The following SH3PXD2B variants were observed in gnomAD, a reference collection of about 807,000 sequenced individuals.
The protein encoded by SH3PXD2B is SH3 and PX domain-containing protein 2B.
SH3PXD2B carries 37 observed loss-of-function variants against 73.1 expected under a neutral mutation model. The ratio of observed to expected loss-of-function variants is 0.51; its 90% CI spans 0.39 to 0.67. The LOEUF (loss-of-function observed/expected upper bound fraction) is 0.67, where lower values mean the gene tolerates loss of function less well. SH3PXD2B is among the 30% of genes least tolerant of loss of function. SH3PXD2B has a pLI of 0.00. For synonymous variants in SH3PXD2B, 457 were observed against 480.5 expected (o/e 0.95, Z 0.64); for missense variants, 1,053 against 1,197.8 (o/e 0.88, Z 1.78).
At chr5:172,444,801 C>G (rs966187180) in intron 1 of SH3PXD2B, among the ~76,000 whole-genome samples, 2 of 152,138 alleles carry the variant, frequency 1.3e-5, no homozygotes, top group African/African-American at 4.8e-5. Flanking sequence ...TGAGCACCAG[C>G]TCCTCCCGCT....
At chr5:172,430,898 G>A (rs1030286158) in intron 1 of SH3PXD2B, among the ~76,000 whole-genome samples, 5 of 151,208 alleles carry the variant, frequency 3.3e-5, no homozygotes, top group Non-Finnish European at 5.9e-5. Context: ...ATGGAGTCTC[G>A]TTCTGTCACT....
Position 172,334,272 on chromosome 5 carries a change from A to G in SH3PXD2B, c.*4097T>C. 9.8e-7 allele frequency: 1 copy of G among 1,018,078 alleles called. No homozygotes were observed. The highest frequency in any genetic ancestry group is 1.7e-5 in the African/African-American group (1 of 57,530). 63.1% of individuals were successfully genotyped at this position (1,018,078 alleles called of 1,614,324 possible). On this transcript the variant is annotated 3_prime_UTR_variant, in exon 13 of 13. Transcript: ENST00000311601. ...CTCTGAAGGAGGTCCATGAGCAGGC[A>G]AGGACTGTGGAGCCTCCGGTTCCAG...
intron 1 of SH3PXD2B, among the ~76,000 whole-genome samples, chr5:172,453,183 C>A (rs1258405962): frequency 6.6e-6 from 1 of 152,054 alleles, no homozygotes; most frequent in African/African-American, 2.4e-5. Flanking sequence ...AGCCAGCCAA[C>A]GCCCTTTTCT....
chr5:172,441,224 A>G (rs1417197123), intron 1 of SH3PXD2B, among the ~76,000 whole-genome samples: 2 of 152,192 alleles, frequency 1.3e-5, no homozygotes, highest in East Asian at 1.9e-4. Flanking sequence ...TTAGAGACGA[A>G]GAAGATACCG....
intron 4 of SH3PXD2B, among the ~76,000 whole-genome samples, chr5:172,392,871 T>C (rs1228024136): frequency 6.6e-6 from 1 of 152,252 alleles, no homozygotes; most frequent in Non-Finnish European, 1.5e-5. Flanking sequence ...TATCAGCTGA[T>C]CAAACATTTT....
At chr5:172,378,546 G>A (rs1757870053) in intron 5 of SH3PXD2B, among the ~76,000 whole-genome samples, 1 of 152,190 alleles carries the variant, frequency 6.6e-6, no homozygotes, top group African/African-American at 2.4e-5. Context: ...ATTGAATCCA[G>A]GGGCCCAAGG....
At chr5:172,390,813 T>TGTGTGTGTG (rs1758167351) in intron 4 of SH3PXD2B, among the ~76,000 whole-genome samples, 1 of 116,764 alleles carries the variant, frequency 8.6e-6, no homozygotes, top group African/African-American at 3.6e-5. Flanking sequence ...GCTTCCCGTC[T>TGTGTGTGTG]TTTGTGTGTG....
chr5:172,342,525 C>T (rs912303108), intron 12 of SH3PXD2B, among the ~76,000 whole-genome samples: 1 of 152,172 alleles, frequency 6.6e-6, no homozygotes, highest in Non-Finnish European at 1.5e-5. Context: ...CTTTGGGAGG[C>T]CAAGGCGGGC....
intron 1 of SH3PXD2B, among the ~76,000 whole-genome samples, chr5:172,438,406 T>C (rs576790085): frequency 6.6e-6 from 1 of 152,264 alleles, no homozygotes; most frequent in Non-Finnish European, 1.5e-5. Context: ...CTATTCACCA[T>C]GGTCCCCCCA....
At chr5:172,405,725 G>A (rs1202464605) in intron 3 of SH3PXD2B, among the ~76,000 whole-genome samples, 1 of 152,112 alleles carries the variant, frequency 6.6e-6, no homozygotes. Context: ...AACCCTGCCT[G>A]GATTTTTGGC....
chr5:172,375,447 C>T (rs1270675298), intron 5 of SH3PXD2B, among the ~76,000 whole-genome samples: 1 of 152,150 alleles, frequency 6.6e-6, no homozygotes, highest in Non-Finnish European at 1.5e-5. Flanking sequence ...GTTGTCCAAC[C>T]ATCACCAGAC....
intron 1 of SH3PXD2B, among the ~76,000 whole-genome samples, chr5:172,440,320 C>T (rs1759528159): frequency 6.6e-6 from 1 of 152,208 alleles, no homozygotes; most frequent in African/African-American, 2.4e-5. Flanking sequence ...GGGTTTCTGC[C>T]ACTCCACCCT....
At chr5:172,393,492 G>C (rs536990544) in intron 4 of SH3PXD2B, among the ~76,000 whole-genome samples, 1 of 152,178 alleles carries the variant, frequency 6.6e-6, no homozygotes, top group East Asian at 1.9e-4. Flanking sequence ...CGTGTCATCT[G>C]TGAGTCAAGA....
chr5:172,447,524 G>A (rs778199461), intron 1 of SH3PXD2B, among the ~76,000 whole-genome samples: 1 of 152,122 alleles, frequency 6.6e-6, no homozygotes, highest in South Asian at 2.1e-4. Context: ...TCAATTACAT[G>A]CTAGGCCCCT....
At position 172,334,433 on chromosome 5, in the gene SH3PXD2B, C is replaced by T. The variant is rs74364058; in HGVS notation, c.*3936G>A. The T allele has an allele frequency of 0.057, 56,268 of 987,876 alleles. 1,794 individuals are homozygous for T. The highest frequency in any genetic ancestry group is 0.067 in the Middle Eastern group (129 of 1,926). The allele number at this position is 987,876 out of a possible 1,614,324, so 61.2% of individuals were successfully genotyped here. A position where few individuals can be genotyped will look rare whatever the true frequency, so the allele number is the denominator to read the frequency against. The stretch of plus-strand genomic sequence containing the variant: ...CCTCTCATCAGCCCACAGTCTGACA[C>T]GAGGTCATCTTTGGTCTGTGGTGAG... On this transcript the variant is annotated 3_prime_UTR_variant, in exon 13 of 13. Transcript: ENST00000311601.
intron 10 of SH3PXD2B, among the ~76,000 whole-genome samples, chr5:172,348,520 T>C (rs1255779195): frequency 6.6e-6 from 1 of 152,128 alleles, no homozygotes; most frequent in East Asian, 1.9e-4. Context: ...ACAGACTGTT[T>C]TGTGAGAAAG....
intron 6 of SH3PXD2B, among the ~76,000 whole-genome samples, chr5:172,365,472 T>C (rs1373236558): frequency 6.6e-6 from 1 of 152,106 alleles, no homozygotes; most frequent in African/African-American, 2.4e-5. Context: ...GGAAGAAGGG[T>C]GGTCTGAGGC....
chr5:172,386,032 T>A (rs570079895), intron 4 of SH3PXD2B, among the ~76,000 whole-genome samples: 1 of 152,318 alleles, frequency 6.6e-6, no homozygotes, highest in African/African-American at 2.4e-5. Context: ...CAGATGTGGC[T>A]GATGCAGGCA....
At chr5:172,368,498 A>ATATATATATATATAAAATATATATATAT (rs1757588540) in intron 6 of SH3PXD2B, among the ~76,000 whole-genome samples, 3 of 5,836 alleles carry the variant, frequency 5.1e-4, no homozygotes, top group African/African-American at 6.6e-4. Flanking sequence ...TATATATATT[A>ATATATATATATATAAAATATATATATAT]TATATATATA....
Sources: gnomAD v4.1 joint callset for allele counts (sites outside exome capture counted in the v4.1 genomes callset) on GRCh38, gnomAD v4.1.1 for gene constraint, MANE v1.5 for transcripts, NCBI Gene and HGNC (gene_info 2026-07-23, HGNC 2026-07-21) for gene names.